OR3A2: variants seen among roughly 807,000 people sequenced by gnomAD.
The protein encoded by OR3A2 is olfactory receptor family 3 subfamily A member 2, also known as olfactory receptor 3A2.
For missense variants in OR3A2, 318 were observed against 392.8 expected (o/e 0.81, Z 1.61); for synonymous variants, 126 against 159.3 (o/e 0.79, Z 1.57).
chr17:3,320,499 T>C (rs1227451325), intron 3 of OR3A2, among the ~76,000 whole-genome samples: 1 of 123,098 alleles, frequency 8.1e-6, no homozygotes, highest in East Asian at 2.5e-4. Flanking sequence ...TTCTAGGGTT[T>C]TTATGGTTTT....
intron 2 of OR3A2, among the ~76,000 whole-genome samples, chr17:3,353,863 T>C (rs1186774281): frequency 1.3e-5 from 2 of 149,920 alleles, no homozygotes; most frequent in Non-Finnish European, 3.0e-5. Flanking sequence ...TAAGTTATTA[T>C]TGACTATAGT....
chr17:3,384,374 C>G (rs957520395), intron 1 of OR3A2, among the ~76,000 whole-genome samples: 9 of 152,134 alleles, frequency 5.9e-5, no homozygotes, highest in African/African-American at 1.9e-4. Flanking sequence ...CAAGCCTTTC[C>G]CAGTGTCATG....
chr17:3,349,595 A>G (rs2049401525), intron 2 of OR3A2, among the ~76,000 whole-genome samples: 1 of 152,070 alleles, frequency 6.6e-6, no homozygotes, highest in Non-Finnish European at 1.5e-5. Flanking sequence ...AGACTTTAAC[A>G]CCCCACTGTC....
At chr17:3,325,830 C>G (rs987776883) in intron 3 of OR3A2, among the ~76,000 whole-genome samples, 1 of 152,002 alleles carries the variant, frequency 6.6e-6, no homozygotes, top group Non-Finnish European at 1.5e-5. Flanking sequence ...GCAGGATGTG[C>G]AGGTTTATTA....
chr17:3,363,823 G>A (rs929493570), intron 2 of OR3A2, among the ~76,000 whole-genome samples: 2 of 152,228 alleles, frequency 1.3e-5, no homozygotes, highest in Non-Finnish European at 2.9e-5. Context: ...AATCATGACA[G>A]AAGGTGAAGC....
At chr17:3,292,270 A>C (rs756006843) in intron 3 of OR3A2, 7 of 1,614,064 alleles carry the variant, frequency 4.3e-6, no homozygotes, top group African/African-American at 1.3e-5. Flanking sequence ...TGGAAGAAGA[A>C]GAGCTGGGTA....
chr17:3,361,250 T>C (rs1347858511), intron 2 of OR3A2, among the ~76,000 whole-genome samples: 4 of 150,408 alleles, frequency 2.7e-5, no homozygotes, highest in East Asian at 1.9e-4. Context: ...CTTGTGATTT[T>C]TGTACATTGA....
chr17:3,320,538 C>T lies in OR3A2; in HGVS notation c.-85+15495G>A. Among the ~76,000 whole-genome samples the T allele has an allele frequency of 1.6e-5, 2 of 122,110 alleles. 1 individual carries two copies. The highest frequency in any genetic ancestry group is 3.5e-5 in the Non-Finnish European group (2 of 56,544). 80.1% of individuals were successfully genotyped at this position (122,110 alleles called of 152,430 possible). A position where few individuals can be genotyped will look rare whatever the true frequency, so the allele number is the denominator to read the frequency against. ...TCTAACATGTAAGTCTTTAAGCCATCTTAAATTAATTTTTGTATAAGGTGT... is the reference window on the plus strand; with the variant it reads ...TCTAACATGTAAGTCTTTAAGCCATTTTAAATTAATTTTTGTATAAGGTGT... On this transcript the variant is annotated intron_variant, in intron 3 of 4. Transcript: ENST00000573491.
intron 3 of OR3A2, among the ~76,000 whole-genome samples, chr17:3,319,775 T>C (rs2049104499): frequency 6.6e-6 from 1 of 152,220 alleles, no homozygotes. Context: ...CAGTCTATTG[T>C]TGTTGGACAT....
At chr17:3,340,520 G>T (rs1437467984) in intron 2 of OR3A2, among the ~76,000 whole-genome samples, 2 of 152,024 alleles carry the variant, frequency 1.3e-5, no homozygotes, top group South Asian at 2.1e-4. Context: ...TTCATTTCAT[G>T]ATTTATCCAG....
In OR3A2 at chr17:3,372,847, A is replaced by G. The variant is rs76553655; in HGVS notation, c.-179+10957T>C. ...GAGAGGGAGAGGGAGGAGAAGGAGA[A>G]GGAGAGGGAGAGGGAGAGGGAGAGG... On this transcript the variant is annotated intron_variant, in intron 2 of 4. Transcript: ENST00000573491. 4.3e-3 allele frequency among the ~76,000 whole-genome samples: 282 copies of G among 65,034 alleles called. 4 individuals carry two copies. Among genetic ancestry groups the G allele is most frequent in the Middle Eastern group, 9.8e-3 (1 of 102 alleles). 42.7% of individuals were successfully genotyped at this position (65,034 alleles called of 152,430 possible).
chr17:3,317,193 A>G (rs1391851385), intron 3 of OR3A2, among the ~76,000 whole-genome samples: 1 of 151,540 alleles, frequency 6.6e-6, no homozygotes, highest in Non-Finnish European at 1.5e-5. Context: ...AGGTGGTAAC[A>G]GTGAGCCAGG....
At chr17:3,369,346 C>T (rs950831912) in intron 2 of OR3A2, among the ~76,000 whole-genome samples, 4 of 152,128 alleles carry the variant, frequency 2.6e-5, no homozygotes, top group East Asian at 1.9e-4. Context: ...CAACTTTTCC[C>T]GTTCAGTATA....
chr17:3,343,009 T>C (rs2049332832), intron 2 of OR3A2, among the ~76,000 whole-genome samples: 3 of 152,198 alleles, frequency 2.0e-5, no homozygotes, highest in Admixed American at 2.0e-4. Flanking sequence ...AGTTCGATCT[T>C]GGACTGCTGC....
intron 3 of OR3A2, among the ~76,000 whole-genome samples, chr17:3,319,575 T>A (rs1421598250): frequency 6.6e-6 from 1 of 152,044 alleles, no homozygotes; most frequent in Non-Finnish European, 1.5e-5. Context: ...CCCTTCCGGG[T>A]CCATGTGTTC....
At chr17:3,276,817 T>C (rs552714059), downstream of OR3A2, 1 of 152,288 alleles carries the variant, frequency 6.6e-6, no homozygotes, top group African/African-American at 2.4e-5. Flanking sequence ...GATGAAACCT[T>C]CCTTTTATGA....
chr17:3,279,400 T>C (rs2048764082), intron 1 of OR3A2, among the ~76,000 whole-genome samples: 1 of 152,246 alleles, frequency 6.6e-6, no homozygotes, highest in Admixed American at 6.5e-5. Flanking sequence ...ATGAATATAG[T>C]TAGATTTAGA....
At chr17:3,337,563 C>T (rs537569098) in intron 2 of OR3A2, among the ~76,000 whole-genome samples, 8 of 152,146 alleles carry the variant, frequency 5.3e-5, no homozygotes, top group East Asian at 3.9e-4. Context: ...CTGAGAATGA[C>T]GGTTTCCAGC....
intron 2 of OR3A2, among the ~76,000 whole-genome samples, chr17:3,356,921 T>C (rs1351297975): frequency 6.6e-6 from 1 of 151,700 alleles, no homozygotes; most frequent in Non-Finnish European, 1.5e-5. Context: ...CATTAAGTAC[T>C]ATTGAAACTT....
Sources: allele counts gnomAD v4.1 joint callset (sites outside exome capture counted in the v4.1 genomes callset), GRCh38; gene constraint gnomAD v4.1.1; transcripts MANE v1.5; gene names NCBI Gene and HGNC (gene_info 2026-07-23, HGNC 2026-07-21).